HAUS7: variants seen among roughly 807,000 people sequenced by gnomAD.
HAUS7 encodes HAUS augmin like complex subunit 7.
A neutral mutation model predicts 28.4 loss-of-function variants in HAUS7; 3 were observed. The observed-to-expected ratio is 0.11, with a 90% CI of 0.05 to 0.27. The LOEUF (loss-of-function observed/expected upper bound fraction) is 0.27, where lower values mean the gene tolerates loss of function less well. Among genes scored for constraint, HAUS7 ranks in the 10% least tolerant of loss-of-function variants. HAUS7 has a pLI of 1.00. For synonymous variants in HAUS7, 165 were observed against 132.1 expected, an observed-to-expected ratio of 1.25 and a Z score of -1.71; for missense variants, 284 against 297.3, an observed-to-expected ratio of 0.96 and a Z score of 0.33.
chrX:153,466,358 G>C (rs1048761193), intron 2 of HAUS7, among the ~76,000 whole-genome samples: 2 of 112,271 alleles, frequency 1.8e-5, no homozygotes, highest in Non-Finnish European at 3.8e-5. Context: ...CTCAGTAAGG[G>C]CTGTCACTCA....
At chrX:153,483,290 T>C (rs2089613123) in intron 1 of HAUS7, 1 of 752,348 alleles carries the variant, frequency 1.3e-6, no homozygotes, top group East Asian at 1.5e-4. Context: ...CCCCAACCCC[T>C]GACCCCGACC....
chrX:153,489,747 T>C (rs1556989262), intron 1 of HAUS7, among the ~76,000 whole-genome samples: 1 of 112,567 alleles, frequency 8.9e-6, no homozygotes, highest in Non-Finnish European at 1.9e-5. Context: ...CCAGCTGCAG[T>C]CCCAGAAAAC....
chrX:153,463,658 C>T (rs2089421341), intron 3 of HAUS7, among the ~76,000 whole-genome samples: 1 of 112,701 alleles, frequency 8.9e-6, no homozygotes, highest in Non-Finnish European at 1.9e-5. Flanking sequence ...ATGGCCTGGC[C>T]TGATCTGGCC....
intron 8 of HAUS7, 97 bp from the exon 9 acceptor site, chrX:153,454,605 C>T (rs1556981670): frequency 5.5e-6 from 3 of 545,980 alleles, no homozygotes; most frequent in Non-Finnish European, 9.3e-6. Context: ...CTGCTTCCCA[C>T]CCCCACTCAC....
At chrX:153,482,308 A>G (rs1407426769) in intron 1 of HAUS7, 2 of 755,149 alleles carry the variant, frequency 2.6e-6, no homozygotes, top group Admixed American at 8.6e-5. Flanking sequence ...CAGCCCACCT[A>G]TTCCCCATGA....
intron 9 of HAUS7, 28 bp downstream of exon 9, chrX:153,454,366 G>T: frequency 1.1e-6 from 1 of 881,173 alleles, no homozygotes; most frequent in Non-Finnish European, 1.7e-6. Flanking sequence ...GCAGCCCCAG[G>T]CAGAGGGCCA....
intron 1 of HAUS7, among the ~76,000 whole-genome samples, chrX:153,490,908 C>T (rs2089667694): frequency 8.9e-6 from 1 of 111,969 alleles, no homozygotes; most frequent in African/African-American, 3.3e-5. Flanking sequence ...TGCTGATGGT[C>T]CAGGGGGTGG....
intron 4 of HAUS7, chrX:153,462,230 G>C: frequency 2.7e-6 from 2 of 735,383 alleles, no homozygotes; most frequent in Non-Finnish European, 3.2e-6. Context: ...GTAGATGAGG[G>C]ACCTCGGGAG....
intron 1 of HAUS7, among the ~76,000 whole-genome samples, chrX:153,490,809 G>A (rs893363954): frequency 8.9e-6 from 1 of 112,604 alleles, no homozygotes. Flanking sequence ...GCGGCCTCAG[G>A]GCACTGCCTC....
intron 9 of HAUS7, among the ~76,000 whole-genome samples, chrX:153,451,687 C>T (rs189191699): frequency 2.0e-3 from 226 of 112,202 alleles, no homozygotes; most frequent in African/African-American, 7.0e-3. Flanking sequence ...GCATAATAGC[C>T]GGGGCAAACA....
upstream of HAUS7, among the ~76,000 whole-genome samples, chrX:153,473,589 G>A (rs1348621722): frequency 3.5e-5 from 4 of 113,021 alleles, no homozygotes; most frequent in African/African-American, 9.6e-5. Flanking sequence ...GTGTGTGTGC[G>A]TGTGTGTGTT....
intron 9 of HAUS7, among the ~76,000 whole-genome samples, chrX:153,450,647 G>C (rs1556980915): frequency 8.9e-6 from 1 of 112,425 alleles, no homozygotes; most frequent in East Asian, 2.8e-4. Flanking sequence ...GAAGCCTGGG[G>C]GGCGACTCCT....
At chrX:153,457,886 C>T (rs1051667029) in intron 4 of HAUS7, among the ~76,000 whole-genome samples, 1 of 113,477 alleles carries the variant, frequency 8.8e-6, no homozygotes, top group East Asian at 2.8e-4. Context: ...ACCTGAGAGG[C>T]TACGCCTGCT....
At chrX:153,455,071 G>A (rs782673162) in intron 8 of HAUS7, 4 of 986,172 alleles carry the variant, frequency 4.1e-6, no homozygotes, top group East Asian at 6.1e-5. Flanking sequence ...GTGGAACAAC[G>A]AAACAAGCAA....
intron 1 of HAUS7, among the ~76,000 whole-genome samples, chrX:153,492,446 G>A (rs1049938659): frequency 8.9e-6 from 1 of 112,124 alleles, no homozygotes; most frequent in Non-Finnish European, 1.9e-5. Flanking sequence ...TGACTCGGTG[G>A]GCCCCGGGCC....
At chrX:153,481,377 T>G in intron 1 of HAUS7, 8 of 754,256 alleles carry the variant, frequency 1.1e-5, no homozygotes, top group Non-Finnish European at 1.3e-5. Context: ...CCCATCAACC[T>G]GGGCTGAGGA....
chrX:153,455,884 A>T (rs1556982041), intron 7 of HAUS7, 118 bp from the exon 8 acceptor site: 1 of 485,448 alleles, frequency 2.1e-6, no homozygotes, highest in Admixed American at 3.1e-5. Context: ...AGAAACAGGG[A>T]CACAGGGGAG....
At position 153,456,547 on chromosome X, in the gene HAUS7, G is replaced by A. The variant is rs1325552249; in HGVS notation, c.551C>T (p.Pro184Leu). ...LQMLLNPECD[P>L]WPLDMQPLLN... is the part of the protein sequence containing the mutation. ...GAGGGGCTGCATGTCCAGGGGCCAC[G>A]GGTCGCACTCTGGATTCAGGAGCAT... The change falls in exon 6 of 10, where the codon CCG becomes CTG. Residue 184 changes from proline (P) to leucine (L), a missense_variant. Transcript: ENST00000370211. 5 of 1,174,936 alleles carry A rather than the reference G, an allele frequency of 4.3e-6. No homozygotes were observed. Among genetic ancestry groups the A allele is most frequent in the Middle Eastern group, 2.3e-4 (1 of 4,306 alleles).
chrX:153,485,467 G>A (rs1239632567), intron 1 of HAUS7, among the ~76,000 whole-genome samples: 1 of 112,046 alleles, frequency 8.9e-6, no homozygotes, highest in African/African-American at 3.2e-5. Context: ...TGGGAGGACA[G>A]TTCCTCAGTC....
Sources: allele counts gnomAD v4.1 joint callset (sites outside exome capture counted in the v4.1 genomes callset), GRCh38; gene constraint gnomAD v4.1.1; transcripts MANE v1.5; gene names NCBI Gene and HGNC (gene_info 2026-07-23, HGNC 2026-07-21).